The following BLVRA variants were observed in gnomAD, a reference collection of about 807,000 sequenced individuals.
BLVRA encodes BVR A.
BLVRA carries 22 observed loss-of-function variants against 32.8 expected under a neutral mutation model. The observed-to-expected ratio is 0.67, with a 90% CI of 0.48 to 0.96. The LOEUF (loss-of-function observed/expected upper bound fraction) is 0.96, where lower values mean the gene tolerates loss of function less well. Ranked by LOEUF, BLVRA falls within the 40% of genes least tolerant of loss-of-function variation. The pLI is 0.00. For synonymous variants in BLVRA, 119 were observed against 141.3 expected (o/e 0.84, Z 1.12); for missense variants, 323 against 358.1 (o/e 0.90, Z 0.79).
intron 6 of BLVRA, among the ~76,000 whole-genome samples, chr7:43,803,305 T>C (rs1405219035): frequency 1.7e-5 from 1 of 59,684 alleles, no homozygotes; most frequent in Non-Finnish European, 3.2e-5. Flanking sequence ...TATGTAGGTA[T>C]GTGTTGTGTG....
chr7:43,780,458 C>T (rs2095767645), intron 2 of BLVRA, among the ~76,000 whole-genome samples: 1 of 152,222 alleles, frequency 6.6e-6, no homozygotes, highest in African/African-American at 2.4e-5. Flanking sequence ...TACTCATGCT[C>T]ATGGAACTTA....
In BLVRA at chr7:43,787,663, G is replaced by A. The variant is rs17239530; in HGVS notation, c.13-241G>A. ...GGGGGAACACTTTCTGTGGGTACTCGGAAGGTTTTCAACCTAAAGACATGG... is the reference window on the plus strand; with the variant it reads ...GGGGGAACACTTTCTGTGGGTACTCAGAAGGTTTTCAACCTAAAGACATGG... On this transcript the variant is annotated intron_variant, in intron 2 of 7. Transcript: ENST00000265523. This position sits in a 1 kb window ranked among gnomAD's most constrained non-coding sequence, Gnocchi z 4.5. Among the ~76,000 whole-genome samples, 70 of 152,274 alleles carry A rather than the reference G, an allele frequency of 4.6e-4. No homozygotes were observed. The highest frequency in any genetic ancestry group is 1.6e-3 in the African/African-American group (66 of 41,556).
intron 2 of BLVRA, among the ~76,000 whole-genome samples, chr7:43,772,159 C>T (rs1158452711): frequency 6.6e-6 from 1 of 152,208 alleles, no homozygotes; most frequent in African/African-American, 2.4e-5. Context: ...GATCCTGCGG[C>T]TCAGTGACTG....
intron 1 of BLVRA, among the ~76,000 whole-genome samples, chr7:43,767,858 AAGGG>A (rs1421216785): frequency 1.3e-5 from 2 of 152,132 alleles, no homozygotes; most frequent in Non-Finnish European, 2.9e-5. Context: ...AAAAAAAAGA[AAGGG>A]AGAGCAAGTA....
chr7:43,759,380 T>C (rs1193173252), intron 1 of BLVRA, among the ~76,000 whole-genome samples: 1 of 152,260 alleles, frequency 6.6e-6, no homozygotes, highest in Non-Finnish European at 1.5e-5. Flanking sequence ...ACTTAAATTA[T>C]AAAAAGAATG....
intron 1 of BLVRA, among the ~76,000 whole-genome samples, chr7:43,770,520 A>G (rs1199786431): frequency 6.6e-6 from 1 of 152,140 alleles, no homozygotes; most frequent in East Asian, 1.9e-4. Flanking sequence ...CTAGGGGTAC[A>G]TTAAAGTTGA....
chr7:43,788,024 A>C lies in BLVRA; in HGVS notation c.133A>C (p.Arg45=). The C allele has an allele frequency of 6.2e-7, 1 of 1,614,126 alleles. No homozygotes were observed. The highest frequency in any genetic ancestry group is 8.5e-7 in the Non-Finnish European group (1 of 1,180,012). ...CCTGAACCTGATTGGCTTCGTGTCGAGGTGGCTCACAATGTCTTTGTGCTT... is the reference window on the plus strand; with the variant it reads ...CCTGAACCTGATTGGCTTCGTGTCGCGGTGGCTCACAATGTCTTTGTGCTT... ...AFLNLIGFVS[R]RELGSIDGVQ... Residue 45 remains arginine, a splice_region_variant and synonymous_variant, in exon 3 of 8, where the codon AGA becomes CGA. Coordinates refer to ENST00000265523, the MANE Select transcript of BLVRA (RefSeq NM_000712.4).
chr7:43,775,536 G>T (rs1039580749), intron 2 of BLVRA, among the ~76,000 whole-genome samples: 3 of 152,106 alleles, frequency 2.0e-5, no homozygotes, highest in African/African-American at 7.2e-5. Context: ...GCTGGATTTG[G>T]TTTGCCAGTA....
rs1462253831 is a variant in BLVRA, at chr7:43,807,104, G to A, written c.760G>A (p.Asp254Asn). The A allele has an allele frequency of 1.2e-6, 2 of 1,614,150 alleles. No individual in the cohort carries two copies. Among genetic ancestry groups the A allele is most frequent in the East Asian group, 2.2e-5 (1 of 44,878 alleles). ...AGTGAATAAGAACATATTTCTGAAA[G>A]ATCAAAATATATTTGTCCAGAAACT... ...VGVNKNIFLK[D>N]QNIFVQKLLG... Residue 254 changes from aspartate (D) to asparagine (N), a missense_variant, in exon 8 of 8, where the codon GAT becomes AAT. Asp to Asn is a conservative substitution (Grantham distance 23). Transcript: ENST00000265523.
At chr7:43,785,296 A>G (rs1487500951) in intron 2 of BLVRA, among the ~76,000 whole-genome samples, 2 of 150,682 alleles carry the variant, frequency 1.3e-5, no homozygotes, top group Non-Finnish European at 3.0e-5. Context: ...ATTTCTCCAG[A>G]GGCTGTCTTA....
chr7:43,761,658 G>A (rs1431436321), intron 1 of BLVRA, among the ~76,000 whole-genome samples: 1 of 152,254 alleles, frequency 6.6e-6, no homozygotes, highest in African/African-American at 2.4e-5. Flanking sequence ...AATTTTCTGT[G>A]GACTTCATTA....
chr7:43,789,337 T>G (rs1474903490), intron 3 of BLVRA, among the ~76,000 whole-genome samples: 1 of 152,196 alleles, frequency 6.6e-6, no homozygotes, highest in Non-Finnish European at 1.5e-5. Flanking sequence ...GCCATCCTCT[T>G]CCGGCCTGTC....
intron 1 of BLVRA, among the ~76,000 whole-genome samples, chr7:43,765,081 C>T (rs150235349): frequency 2.6e-5 from 4 of 152,232 alleles, no homozygotes; most frequent in East Asian, 1.9e-4. Context: ...TTTTGCAGAC[C>T]GGCTGCAGTA....
intron 2 of BLVRA, among the ~76,000 whole-genome samples, chr7:43,781,331 A>G (rs927673946): frequency 1.3e-5 from 2 of 151,808 alleles, no homozygotes; most frequent in Non-Finnish European, 2.9e-5. Context: ...CTGGCAACAT[A>G]TATCACCTCC....
chr7:43,795,093 C>T (rs917481726), intron 5 of BLVRA, among the ~76,000 whole-genome samples: 2 of 152,114 alleles, frequency 1.3e-5, no homozygotes, highest in South Asian at 4.1e-4. Flanking sequence ...TGCCTGTAAT[C>T]CCAGCTACTC....
At chr7:43,801,007 T>TTCTTACTCTGTTGCCCAGG (rs1001733584) in intron 6 of BLVRA, among the ~76,000 whole-genome samples, 2 of 152,058 alleles carry the variant, frequency 1.3e-5, no homozygotes, top group Admixed American at 6.6e-5. Flanking sequence ...ACTTATTCTG[T>TTCTTACTCTGTTGCCCAGG]TCTTACTCTG....
intron 5 of BLVRA, among the ~76,000 whole-genome samples, chr7:43,795,828 G>A (rs894520897): frequency 4.6e-5 from 7 of 151,804 alleles, no homozygotes; most frequent in East Asian, 3.9e-4. Context: ...AGAGTCGGCC[G>A]GGTGCAGTGG....
rs574009344 is a variant in BLVRA at position 43,771,732 on chromosome 7, A to G, written c.12+562A>G. ...GGCAAACACAGAGGCCATCCCCACAAGAGGGGGGTCTTGGGTGAGTGGCAC... is the reference window on the plus strand; with the variant it reads ...GGCAAACACAGAGGCCATCCCCACAGGAGGGGGGTCTTGGGTGAGTGGCAC... On this transcript the variant is annotated intron_variant, in intron 2 of 7. Coordinates refer to ENST00000265523, the MANE Select transcript of BLVRA (RefSeq NM_000712.4). Among the ~76,000 whole-genome samples, 10 of 152,278 alleles carry G rather than the reference A, an allele frequency of 6.6e-5. 1 individual carries two copies. In the South Asian group the frequency reaches 1.5e-3, roughly 22 times the overall value.
chr7:43,776,152 T>C (rs1229428449), intron 2 of BLVRA, among the ~76,000 whole-genome samples: 1 of 152,228 alleles, frequency 6.6e-6, no homozygotes, highest in Non-Finnish European at 1.5e-5. Context: ...TCAATTCTGC[T>C]CTGATTTTAG....
Sources: gnomAD v4.1 joint callset for allele counts (sites outside exome capture counted in the v4.1 genomes callset) on GRCh38, gnomAD v4.1.1 for gene constraint, Gnocchi (gnomAD v3.1) non-coding constraint, MANE v1.5 for transcripts, NCBI Gene and HGNC (gene_info 2026-07-23, HGNC 2026-07-21) for gene names.